STK38: variants seen among roughly 807,000 people sequenced by gnomAD.
STK38 encodes serine/threonine-protein kinase 38.
Under a neutral mutation model 59.0 loss-of-function variants are expected in STK38, and 26 were observed. That is an observed-to-expected ratio of 0.44 (90% CI 0.32 to 0.61). The LOEUF is 0.61. STK38 is among the 20% of genes least tolerant of loss of function. The probability of loss-of-function intolerance (pLI) is 0.04; values close to 1 mark genes in which losing one functional copy is unlikely to be tolerated. For missense variants in STK38, 433 were observed against 566.0 expected (o/e 0.76, Z 2.38); for synonymous variants, 175 against 176.6 (o/e 0.99, Z 0.07).
rs79726305 is a variant in STK38 at position 36,495,435 on chromosome 6, A to G, written c.*349T>C. ...AGGAACTGGCTGATATTCGATGACT[A>G]TACACGACAATCTCAATAATGTTGG... On this transcript the variant is annotated 3_prime_UTR_variant, in exon 14 of 14. Coordinates refer to ENST00000229812, the MANE Select transcript of STK38 (RefSeq NM_007271.4). 6.6e-4 allele frequency: 162 copies of G among 245,364 alleles called. No homozygotes were observed. The highest frequency in any genetic ancestry group is 3.2e-3 in the African/African-American group (143 of 44,616). 15.2% of individuals were successfully genotyped at this position (245,364 alleles called of 1,614,324 possible).
intron 2 of STK38, among the ~76,000 whole-genome samples, chr6:36,527,919 G>A (rs1217492687): frequency 6.8e-6 from 1 of 146,554 alleles, no homozygotes; most frequent in Non-Finnish European, 1.5e-5. Context: ...CTAACACAGA[G>A]AAACCCCATC....
At chr6:36,517,381 G>A (rs555613094) in intron 6 of STK38, among the ~76,000 whole-genome samples, 1 of 152,274 alleles carries the variant, frequency 6.6e-6, no homozygotes, top group Non-Finnish European at 1.5e-5. Flanking sequence ...CTTCAATGTT[G>A]TCACTTGGGT....
In STK38 at chr6:36,544,413, C is replaced by T. The variant is rs143165590; in HGVS notation, c.-6+2777G>A. ...CCTTATTTGTCAGCCTGTACCCCCC[C>T]CTCCACCCACAATGAAAACCACATG... On this transcript the variant is annotated intron_variant, in intron 1 of 13. Coordinates refer to ENST00000229812, the MANE Select transcript of STK38 (RefSeq NM_007271.4). Among the ~76,000 whole-genome samples the T allele has an allele frequency of 5.1e-3, 774 of 152,100 alleles. 3 individuals carry two copies. The highest frequency in any genetic ancestry group is 0.017 in the African/African-American group (715 of 41,488).
At chr6:36,510,990 G>A (rs1777094799) in intron 7 of STK38, among the ~76,000 whole-genome samples, 1 of 152,196 alleles carries the variant, frequency 6.6e-6, no homozygotes, top group Non-Finnish European at 1.5e-5. Flanking sequence ...GTGTCTTAGG[G>A]TGGCAAAATT....
chr6:36,532,917 C>T (rs930018541), intron 2 of STK38, among the ~76,000 whole-genome samples: 4 of 151,628 alleles, frequency 2.6e-5, no homozygotes, highest in African/African-American at 9.7e-5. Context: ...AATGAAAATA[C>T]AAAAATTAGC....
chr6:36,525,981 G>A (rs1252340583), intron 2 of STK38, among the ~76,000 whole-genome samples: 1 of 152,064 alleles, frequency 6.6e-6, no homozygotes, highest in Non-Finnish European at 1.5e-5. Context: ...CTCCCAAGTA[G>A]CTAGGACTAC....
intron 2 of STK38, among the ~76,000 whole-genome samples, chr6:36,533,530 T>G (rs989513288): frequency 1.3e-5 from 2 of 152,226 alleles, no homozygotes; most frequent in African/African-American, 4.8e-5. Flanking sequence ...TTTTCTATCT[T>G]AAGAATCCAA....
chr6:36,535,214 G>A (rs1226194394), intron 2 of STK38, among the ~76,000 whole-genome samples: 1 of 152,136 alleles, frequency 6.6e-6, no homozygotes, highest in Non-Finnish European at 1.5e-5. Context: ...CACTTTGGGA[G>A]GAGGCGGGTG....
chr6:36,506,789 C>T, intron 8 of STK38, 145 bp from the exon 9 acceptor site: 1 of 685,002 alleles, frequency 1.5e-6, no homozygotes, highest in Non-Finnish European at 2.4e-6. Flanking sequence ...GATACATATC[C>T]TAGTACGTTT....
chr6:36,495,650 C>T lies in STK38; in HGVS notation c.*134G>A. On this transcript the variant is annotated 3_prime_UTR_variant, in exon 14 of 14. Transcript: ENST00000229812. ...TTATGGAAGAAAATCCTCTTACTACCACATTTCAGGAGACTTTACTATGAC... is the reference window on the plus strand; with the variant it reads ...TTATGGAAGAAAATCCTCTTACTACTACATTTCAGGAGACTTTACTATGAC... 2 of 1,172,422 alleles carry T rather than the reference C, an allele frequency of 1.7e-6. No homozygotes were observed. Among genetic ancestry groups the T allele is most frequent in the South Asian group, 1.7e-5 (1 of 58,230 alleles). The allele number at this position is 1,172,422 out of a possible 1,614,324, so 72.6% of individuals were successfully genotyped here. A position where few individuals can be genotyped will look rare whatever the true frequency, so the allele number is the denominator to read the frequency against.
rs748010855 is a variant in STK38, at chr6:36,506,652, T to C, written c.773-8A>G. The C allele has an allele frequency of 6.2e-7, 1 of 1,612,098 alleles. No homozygotes were observed. ...AATTCATGTTCTGGAAAGCTGAAAGTAAAGAATACAAGCTGCAGTCAAAGT... is the reference window on the plus strand; with the variant it reads ...AATTCATGTTCTGGAAAGCTGAAAGCAAAGAATACAAGCTGCAGTCAAAGT... On this transcript the variant is annotated splice_region_variant and splice_polypyrimidine_tract_variant and intron_variant, in intron 8 of 13. Coordinates refer to ENST00000229812, the MANE Select transcript of STK38 (RefSeq NM_007271.4).
chr6:36,542,417 C>T (rs971026582), intron 1 of STK38, among the ~76,000 whole-genome samples: 3 of 152,042 alleles, frequency 2.0e-5, no homozygotes, highest in African/African-American at 7.2e-5. Context: ...TCTTAATTTC[C>T]TCATTTTACA....
At chr6:36,504,686 C>A (rs1263477218) in intron 9 of STK38, among the ~76,000 whole-genome samples, 2 of 151,986 alleles carry the variant, frequency 1.3e-5, no homozygotes, top group African/African-American at 4.8e-5. Context: ...ATGTTTTTAA[C>A]TATTAAATGA....
intron 9 of STK38, among the ~76,000 whole-genome samples, chr6:36,500,591 C>T (rs934388299): frequency 2.6e-5 from 4 of 151,730 alleles, no homozygotes; most frequent in African/African-American, 9.7e-5. Flanking sequence ...GAAAACCCGT[C>T]TCTACTAAAA....
At chr6:36,523,410 G>A (rs181836074) in intron 4 of STK38, among the ~76,000 whole-genome samples, 3 of 151,634 alleles carry the variant, frequency 2.0e-5, no homozygotes, top group African/African-American at 4.8e-5. Flanking sequence ...TTACAGGCAC[G>A]TGCCACCACA....
chr6:36,500,060 C>A (rs2127466843), intron 9 of STK38, 70 bp from the exon 10 acceptor site: 2 of 1,181,232 alleles, frequency 1.7e-6, no homozygotes, highest in East Asian at 2.3e-5. Flanking sequence ...TTCTAGAAAC[C>A]AAAGGCTATG....
chr6:36,544,640 T>C (rs985020421), intron 1 of STK38, among the ~76,000 whole-genome samples: 2 of 152,022 alleles, frequency 1.3e-5, no homozygotes, highest in Non-Finnish European at 2.9e-5. Flanking sequence ...TCTCAGCACT[T>C]TGGGAGGGAG....
intron 8 of STK38, among the ~76,000 whole-genome samples, chr6:36,507,206 T>C (rs1776984170): frequency 6.6e-6 from 1 of 152,028 alleles, no homozygotes; most frequent in African/African-American, 2.4e-5. Context: ...CCAGAACTGT[T>C]CCCAGGAGTT....
Position 36,505,045 on chromosome 6 carries a change from C to T in STK38, c.834+1538G>A, listed in dbSNP as rs1776932616. ...GCAGGAGCTATTATTTAAGACATAA[C>T]CTCTTCAGTGGAGGTTCTCCACATT... On this transcript the variant is annotated intron_variant, in intron 9 of 13. Coordinates refer to ENST00000229812, the MANE Select transcript of STK38 (RefSeq NM_007271.4). Among the ~76,000 whole-genome samples the T allele has an allele frequency of 2.0e-5, 3 of 152,114 alleles. No individual in the cohort carries two copies. The South Asian group carries it at 6.2e-4, about 32-fold the overall frequency.
Sources: gnomAD v4.1 joint callset for allele counts (sites outside exome capture counted in the v4.1 genomes callset) on GRCh38, gnomAD v4.1.1 for gene constraint, MANE v1.5 for transcripts, NCBI Gene and HGNC (gene_info 2026-07-23, HGNC 2026-07-21) for gene names.